Variants in PGAP6 observed in about 807,000 individuals in gnomAD.
PGAP6 encodes post-GPI attachment to proteins factor 6.
In PGAP6, 62 loss-of-function variants were observed where a neutral mutation model predicts 68.4. That is an observed-to-expected ratio of 0.91 (90% CI 0.74 to 1.12). The LOEUF (loss-of-function observed/expected upper bound fraction) is 1.12, where lower values mean the gene tolerates loss of function less well. Ranked by LOEUF, PGAP6 falls within the 50% of genes most tolerant of loss-of-function variation. The pLI, the probability that PGAP6 is intolerant of heterozygous loss-of-function variation, is 0.00. For missense variants in PGAP6, 1,188 were observed against 1,068.5 expected (o/e 1.11, Z -1.56); for synonymous variants, 575 against 474.0 (o/e 1.21, Z -2.77).
At chr16:385,608 G>A (rs866825350), upstream of PGAP6, among the ~76,000 whole-genome samples, 2 of 140,414 alleles carry the variant, frequency 1.4e-5, 1 homozygote, top group Non-Finnish European at 3.0e-5. Flanking sequence ...ACAGCGCCCG[G>A]CCTACTCTGA....
In PGAP6 at chr16:372,152, G is replaced by A. The variant is rs779438885; in HGVS notation, c.2151C>T (p.Asn717=). 24 of 1,612,842 alleles carry A rather than the reference G, an allele frequency of 1.5e-5. No individual in the cohort carries two copies. The Admixed American group carries it at 4.0e-4, about 27-fold the overall frequency. ...AIYTSMMTSD[N]YYYTHSIWHI... ...GCCAGATGCTGTGGGTGTAGTAGTA[G>A]TTGTCGCTAGTCATCATGGAGGTGT... is the stretch of plus-strand genomic sequence containing the variant. Residue 717 remains asparagine, a synonymous_variant, in exon 13 of 13, where the codon AAC becomes AAT. Coordinates refer to ENST00000431232, the MANE Select transcript of PGAP6 (RefSeq NM_021259.3).
In PGAP6 at chr16:377,819, G is replaced by A. The variant is rs763962896; in HGVS notation, c.151C>T (p.Gln51Ter). ...EVGLVSEHFS[Q>*]APQRLSFYSW... ...TAGAAGGACAGCCTCTGCGGGGCCT[G>A]CGAGAAGTGCTCGGACACCAGCCCC... Residue 51 changes from glutamine to a stop codon, truncating the protein, a stop_gained, in exon 2 of 13, where the codon CAG becomes TAG. Transcript: ENST00000431232. LOFTEE classifies it high-confidence loss of function. The A allele has an allele frequency of 2.5e-6, 4 of 1,569,878 alleles. No individual in the cohort carries two copies. The highest frequency in any genetic ancestry group is 1.4e-5 in the African/African-American group (1 of 73,866).
At chr16:385,310 ATTTTT>A (rs35605582), upstream of PGAP6, among the ~76,000 whole-genome samples, 2 of 112,400 alleles carry the variant, frequency 1.8e-5, no homozygotes, top group African/African-American at 8.2e-5. Context: ...ATATACTCTG[ATTTTT>A]TTTTTTTTTT....
chr16:384,970 C>T (rs2054471953), upstream of PGAP6, among the ~76,000 whole-genome samples: 2 of 151,868 alleles, frequency 1.3e-5, no homozygotes, highest in African/African-American at 4.8e-5. Context: ...TAAGATCAGC[C>T]TGGCCAACAT....
At chr16:374,518 C>G in intron 9 of PGAP6, 119 bp from the exon 10 acceptor site, 2 of 1,251,376 alleles carry the variant, frequency 1.6e-6, no homozygotes, top group Non-Finnish European at 2.1e-6. Flanking sequence ...AGGGTAGGCA[C>G]GGCGGGCGGG....
chr16:380,104 G>A (rs1231338498), intron 1 of PGAP6, among the ~76,000 whole-genome samples: 1 of 152,082 alleles, frequency 6.6e-6, no homozygotes, highest in Non-Finnish European at 1.5e-5. Context: ...GTGAGGGGCT[G>A]AGCCAGCACA....
upstream of PGAP6, among the ~76,000 whole-genome samples, chr16:386,417 G>C (rs1305926672): frequency 6.6e-6 from 1 of 152,008 alleles, no homozygotes; most frequent in African/African-American, 2.4e-5. Flanking sequence ...TGGTAGACAT[G>C]GGAGACCCTG....
rs995480866 is a variant in PGAP6 at position 378,890 on chromosome 16, G to A, written c.122-1042C>T. ...AACTGTCCTCAGGGAACGCACCCAC[G>A]CCTGGTGCGGGGATGGAGAAGGGCC... On this transcript the variant is annotated intron_variant, in intron 1 of 12. Transcript: ENST00000431232. Among the ~76,000 whole-genome samples the A allele has an allele frequency of 5.9e-5, 9 of 152,324 alleles. 1 individual carries two copies. Among genetic ancestry groups the A allele is most frequent in the Middle Eastern group, 3.4e-3 (1 of 294 alleles).
At chr16:385,310 A>ATTTTTTT (rs35605582), upstream of PGAP6, among the ~76,000 whole-genome samples, 2 of 112,402 alleles carry the variant, frequency 1.8e-5, no homozygotes, top group Non-Finnish European at 1.7e-5. Flanking sequence ...ATATACTCTG[A>ATTTTTTT]TTTTTTTTTT....
chr16:383,785 G>C (rs1294494258), upstream of PGAP6, among the ~76,000 whole-genome samples: 1 of 152,212 alleles, frequency 6.6e-6, no homozygotes, highest in African/African-American at 2.4e-5. Flanking sequence ...GGTGGGGATG[G>C]GGATGGCCGC....
intron 11 of PGAP6, among the ~76,000 whole-genome samples, 172 bp downstream of exon 11, chr16:373,833 A>G (rs2054354985): frequency 2.0e-5 from 3 of 147,906 alleles, no homozygotes; most frequent in South Asian, 2.1e-4. Context: ...GTGAGCCACC[A>G]TGCTCGGCCT....
upstream of PGAP6, among the ~76,000 whole-genome samples, chr16:385,920 G>A (rs186129289): frequency 4.6e-4 from 70 of 151,808 alleles, 1 homozygote; most frequent in East Asian, 0.01. Flanking sequence ...CACCGCGCCC[G>A]GCCTACTCTG....
upstream of PGAP6, among the ~76,000 whole-genome samples, chr16:386,166 C>G (rs1026479975): frequency 6.6e-6 from 1 of 151,678 alleles, no homozygotes. Flanking sequence ...TTTCCACAGT[C>G]GGTGTGCTCT....
rs140057051 is a variant in PGAP6 at position 372,173 on chromosome 16, G to A, written c.2130C>T (p.Thr710=). 7.9e-5 allele frequency: 127 copies of A among 1,612,786 alleles called. 1 individual carries two copies. Among genetic ancestry groups the A allele is most frequent in the South Asian group, 3.4e-4 (31 of 91,092 alleles). ...SMASVGIAIY[T]SMMTSDNYYY... ...AGTAGTTGTCGCTAGTCATCATGGA[G>A]GTGTAGATGGCGATGCCCACAGAGG... Residue 710 remains threonine (T), a synonymous_variant, in exon 13 of 13, where the codon ACC becomes ACT. Coordinates refer to ENST00000431232, the MANE Select transcript of PGAP6 (RefSeq NM_021259.3).
intron 6 of PGAP6, 72 bp from the exon 7 acceptor site, chr16:375,507 C>T: frequency 2.3e-6 from 3 of 1,307,882 alleles, no homozygotes; most frequent in Middle Eastern, 5.0e-4. Context: ...CCCCACGTGC[C>T]AGCTCAGCCT....
chr16:373,962 C>A, intron 11 of PGAP6, 43 bp downstream of exon 11: 1 of 1,553,824 alleles, frequency 6.4e-7, no homozygotes. Flanking sequence ...ACTTGGGGGC[C>A]CTGCTCCCCC....
Position 375,194 on chromosome 16 carries a change from G to C in PGAP6, c.1378C>G (p.Pro460Ala), listed in dbSNP as rs149290956. ...AWSRRANLIIPYPETDNWYLS... is the reference protein window; with the variant it reads ...AWSRRANLIIAYPETDNWYLS... ...TACCAGTTGTCTGTCTCTGGGTAGG[G>C]GATGATGAGGTTGGCCCTGCGAGAC... Residue 460 changes from proline to alanine, a missense_variant, in exon 8 of 13, where the codon CCC becomes GCC. By Grantham distance (27) the Pro-to-Ala change is conservative. Coordinates refer to ENST00000431232, the MANE Select transcript of PGAP6 (RefSeq NM_021259.3). The C allele has an allele frequency of 3.6e-3, 5,877 of 1,613,506 alleles. 25 individuals are homozygous for C. The highest frequency in any genetic ancestry group is 4.5e-3 in the Non-Finnish European group (5,265 of 1,179,998).
upstream of PGAP6, chr16:382,100 G>C (rs1184103689): frequency 2.7e-6 from 1 of 364,220 alleles, no homozygotes; most frequent in South Asian, 1.3e-4. Context: ...TAGGGGGGAG[G>C]GGTCACGTGG....
At chr16:372,957 G>A (rs889481290) in intron 11 of PGAP6, among the ~76,000 whole-genome samples, 2 of 152,164 alleles carry the variant, frequency 1.3e-5, no homozygotes, top group South Asian at 4.1e-4. Context: ...AGGCATCTCT[G>A]GGGGATTAGA....
Sources: allele counts gnomAD v4.1 joint callset (sites outside exome capture counted in the v4.1 genomes callset), GRCh38; gene constraint gnomAD v4.1.1; transcripts MANE v1.5; gene names NCBI Gene and HGNC (gene_info 2026-07-23, HGNC 2026-07-21).